The following RGL1 variants were observed in gnomAD, a reference collection of about 807,000 sequenced individuals.
The protein encoded by RGL1 is ral guanine nucleotide dissociation stimulator-like 1.
In RGL1, 24 loss-of-function variants were observed where a neutral mutation model predicts 95.2. The ratio of observed to expected loss-of-function variants is 0.25; its 90% CI spans 0.18 to 0.35. The LOEUF (loss-of-function observed/expected upper bound fraction) is 0.35. Ranked by LOEUF, RGL1 falls within the 10% of genes least tolerant of loss-of-function variation. The pLI, the probability that RGL1 is intolerant of heterozygous loss-of-function variation, is 1.00. For missense variants in RGL1, 715 were observed against 936.3 expected, an observed-to-expected ratio of 0.76 and a Z score of 3.08; for synonymous variants, 329 against 344.9, an observed-to-expected ratio of 0.95 and a Z score of 0.51.
chr1:183,861,818 A>C (rs1356618389), intron 3 of RGL1, among the ~76,000 whole-genome samples: 1 of 152,204 alleles, frequency 6.6e-6, no homozygotes, highest in East Asian at 1.9e-4. Flanking sequence ...TTAATTAAAC[A>C]TACACACTCA....
intron 1 of RGL1, among the ~76,000 whole-genome samples, chr1:183,650,101 C>T (rs1370950684): frequency 6.6e-6 from 1 of 152,182 alleles, no homozygotes; most frequent in African/African-American, 2.4e-5. Flanking sequence ...GTGTGAACCA[C>T]CATGTCCAGC....
At chr1:183,684,139 T>C (rs1261183104) in intron 1 of RGL1, among the ~76,000 whole-genome samples, 1 of 152,172 alleles carries the variant, frequency 6.6e-6, no homozygotes, top group African/African-American at 2.4e-5. Flanking sequence ...AGGAGTTTGT[T>C]ATTACCCACC....
chr1:183,685,317 G>C (rs1176105492), intron 1 of RGL1, among the ~76,000 whole-genome samples: 1 of 152,136 alleles, frequency 6.6e-6, no homozygotes, highest in Non-Finnish European at 1.5e-5. Context: ...TAAATACCTT[G>C]AATTACAATT....
chr1:183,848,482 A>C (rs907199078), intron 3 of RGL1, among the ~76,000 whole-genome samples: 1 of 152,210 alleles, frequency 6.6e-6, no homozygotes, highest in Admixed American at 6.5e-5. Flanking sequence ...AATCAGGAGA[A>C]TCCTCATCTA....
chr1:183,853,155 GCAAAACCC>G (rs1664930659), intron 3 of RGL1, among the ~76,000 whole-genome samples: 1 of 152,074 alleles, frequency 6.6e-6, no homozygotes, highest in Non-Finnish European at 1.5e-5. Context: ...GGCCAACAAG[GCAAAACCC>G]CATCTCTACT....
chr1:183,653,224 CT>C (rs985152842), intron 1 of RGL1: 3 of 152,206 alleles, frequency 2.0e-5, no homozygotes. Context: ...GTTCAGGACT[CT>C]TTCACAGTTT....
At chr1:183,723,252 A>G (rs1016644814) in intron 1 of RGL1, among the ~76,000 whole-genome samples, 1 of 152,222 alleles carries the variant, frequency 6.6e-6, no homozygotes, top group Non-Finnish European at 1.5e-5. Flanking sequence ...GCAGAGCAAG[A>G]TGGCTGAATA....
At chr1:183,899,558 T>C (rs1464136212) in intron 10 of RGL1, among the ~76,000 whole-genome samples, 4 of 152,232 alleles carry the variant, frequency 2.6e-5, no homozygotes, top group African/African-American at 9.6e-5. Context: ...AGTGAATGAA[T>C]GGTTTCAGCG....
At chr1:183,812,089 A>G (rs1395932692) in intron 2 of RGL1, among the ~76,000 whole-genome samples, 1 of 152,214 alleles carries the variant, frequency 6.6e-6, no homozygotes, top group Non-Finnish European at 1.5e-5. Flanking sequence ...CCCCTTCTAA[A>G]TAATCAGAAT....
chr1:183,816,370 TG>T (rs1483681748), intron 2 of RGL1, among the ~76,000 whole-genome samples: 1 of 152,200 alleles, frequency 6.6e-6, no homozygotes, highest in Non-Finnish European at 1.5e-5. Context: ...GTTAGTAAAT[TG>T]TTCTTGCACC....
intron 1 of RGL1, chr1:183,647,945 G>A: frequency 1.2e-6 from 2 of 1,614,200 alleles, no homozygotes; most frequent in Non-Finnish European, 1.7e-6. Flanking sequence ...GGTTGGGTTG[G>A]AGTTGTCCAC....
chr1:183,787,424 G>A (rs1660232688), intron 2 of RGL1, among the ~76,000 whole-genome samples: 1 of 151,994 alleles, frequency 6.6e-6, no homozygotes, highest in Admixed American at 6.6e-5. Flanking sequence ...TCCCAATATC[G>A]TCTTCTCTTC....
chr1:183,875,914 A>G (rs1666469627), intron 4 of RGL1, among the ~76,000 whole-genome samples: 1 of 150,436 alleles, frequency 6.6e-6, no homozygotes, highest in Non-Finnish European at 1.5e-5. Context: ...AGCAGATTTC[A>G]TCATGCTCCT....
intron 1 of RGL1, chr1:183,709,770 T>C: frequency 4.7e-6 from 1 of 212,894 alleles, no homozygotes; most frequent in Non-Finnish European, 1.0e-5. Context: ...TCAGGCCCCC[T>C]CTGTGTAGCT....
chr1:183,816,507 G>A (rs78848024), intron 2 of RGL1, among the ~76,000 whole-genome samples: 2,895 of 152,300 alleles, frequency 0.019, 82 homozygotes, highest in African/African-American at 0.065. Context: ...TGAGTTGCTT[G>A]TGAGGTTGTG....
rs1667801408 is a variant in RGL1, at chr1:183,898,023, T to C, written c.1230+126T>C. On this transcript the variant is annotated intron_variant, in intron 10 of 17. Transcript: ENST00000360851. ...CAGGCTTTCAGAAAGGGTCTCCCAT[T>C]CTCTACCCCATTTGTTCTCAGCAGC... 1.1e-5 allele frequency: 8 copies of C among 704,712 alleles called. No individual in the cohort carries two copies. In the South Asian group the frequency reaches 1.5e-4, roughly 13 times the overall value. The allele number at this position is 704,712 out of a possible 1,614,324, so 43.7% of individuals were successfully genotyped here.
intron 2 of RGL1, among the ~76,000 whole-genome samples, chr1:183,838,405 G>A (rs1663813195): frequency 6.6e-6 from 1 of 152,150 alleles, no homozygotes; most frequent in African/African-American, 2.4e-5. Context: ...ATTTCTGTGT[G>A]ATAAAACACT....
At chr1:183,903,038 T>C (rs1221559162) in intron 12 of RGL1, among the ~76,000 whole-genome samples, 3 of 152,192 alleles carry the variant, frequency 2.0e-5, no homozygotes, top group Non-Finnish European at 4.4e-5. Flanking sequence ...CAAATAAATA[T>C]GTGAAGTAAT....
chr1:183,926,262 G>T lies in RGL1; in HGVS notation c.2277G>T (p.Trp759Cys), dbSNP rs753655416. ...CCAGGACAGCTAAACGGGGCTGCTG[G>T]AGTAACAGACACAGCAAAATCACCC... ...TLPRTAKRGC[W>C]SNRHSKITL is the part of the protein sequence containing the mutation. Residue 759 changes from tryptophan (W) to cysteine (C), a missense_variant, in exon 18 of 18, where the codon TGG becomes TGT. This residue lies in a region of RGL1 where 330 missense variants were observed against 429.6 expected (regional missense o/e 0.77). Transcript: ENST00000360851. 1.2e-6 allele frequency: 2 copies of T among 1,612,924 alleles called. No homozygotes were observed. Among genetic ancestry groups the T allele is most frequent in the East Asian group, 4.5e-5 (2 of 44,782 alleles).
Sources: allele counts gnomAD v4.1 joint callset (sites outside exome capture counted in the v4.1 genomes callset), GRCh38; gene constraint gnomAD v4.1.1; regional missense constraint gnomAD v4.1.1; transcripts MANE v1.5; gene names NCBI Gene and HGNC (gene_info 2026-07-23, HGNC 2026-07-21).